Variants in MBD5 observed in about 807,000 individuals in gnomAD.
The protein encoded by MBD5 is methyl-CpG binding domain protein 5.
MBD5 carries 13 observed loss-of-function variants against 117.3 expected under a neutral mutation model. The ratio of observed to expected loss-of-function variants is 0.11; its 90% confidence interval spans 0.07 to 0.18. The LOEUF (loss-of-function observed/expected upper bound fraction) is 0.18, where lower values mean the gene tolerates loss of function less well. MBD5 is among the 10% of genes least tolerant of loss of function. The probability of loss-of-function intolerance (pLI) is 1.00; values close to 1 mark genes in which losing one functional copy is unlikely to be tolerated. For missense variants in MBD5, 1,879 were observed against 2,093.8 expected (o/e 0.90, Z 2.00); for synonymous variants, 727 against 766.4 (o/e 0.95, Z 0.85).
intron 3 of MBD5, among the ~76,000 whole-genome samples, chr2:148,317,875 T>A (rs568003724): frequency 1.3e-5 from 2 of 152,362 alleles, no homozygotes; most frequent in African/African-American, 4.8e-5. Context: ...GACACTTAAG[T>A]TGATTCCACA....
In MBD5 at chr2:148,489,533, G is replaced by C. The variant is rs748975545; in HGVS notation, c.3901G>C (p.Gly1301Arg). 1 of 1,614,152 alleles carries C rather than the reference G, an allele frequency of 6.2e-7. No homozygotes were observed. The highest frequency in any genetic ancestry group is 8.5e-7 in the Non-Finnish European group (1 of 1,180,030). The change falls in exon 11 of 14, where the codon GGT becomes CGT. Residue 1301 changes from glycine to arginine, a missense_variant. Coordinates refer to ENST00000642680, the MANE Select transcript of MBD5 (RefSeq NM_001378120.1). Reference protein sequence around the residue: ...ELQPRIDPSLGQQVKDGLVVG... With the variant: ...ELQPRIDPSLRQQVKDGLVVG... ...GCAACCGAGGATTGACCCATCTCTT[G>C]GTCAACAGGTGAAGGATGGCCTCGT...
intron 3 of MBD5, among the ~76,000 whole-genome samples, chr2:148,294,426 G>A (rs1701586393): frequency 6.7e-6 from 1 of 148,908 alleles, no homozygotes; most frequent in South Asian, 2.1e-4. Flanking sequence ...GGGTTTCACT[G>A]TGTTAGCCAG....
chr2:148,493,375 CCT>C (rs1207617354), intron 11 of MBD5, among the ~76,000 whole-genome samples: 1 of 152,158 alleles, frequency 6.6e-6, no homozygotes, highest in Non-Finnish European at 1.5e-5. Context: ...ATTTATTACC[CCT>C]GACTCCACCC....
At chr2:148,254,795 C>T (rs964905057) in intron 3 of MBD5, among the ~76,000 whole-genome samples, 1 of 152,138 alleles carries the variant, frequency 6.6e-6, no homozygotes, top group African/African-American at 2.4e-5. Flanking sequence ...GTGGTGTTAC[C>T]ACAGTGTTGC....
chr2:148,090,251 T>G (rs1366219545), intron 1 of MBD5, among the ~76,000 whole-genome samples: 1 of 152,144 alleles, frequency 6.6e-6, no homozygotes, highest in East Asian at 1.9e-4. Context: ...AGCTGAATTT[T>G]ATCAAGCATT....
chr2:148,104,576 A>C (rs1459481737), intron 1 of MBD5, among the ~76,000 whole-genome samples: 2 of 152,216 alleles, frequency 1.3e-5, no homozygotes, highest in East Asian at 3.9e-4. Context: ...AACAGTTTAA[A>C]AAATGAGTGT....
chr2:148,042,323 A>T (rs2105689585), intron 1 of MBD5, among the ~76,000 whole-genome samples: 1 of 152,260 alleles, frequency 6.6e-6, no homozygotes, highest in South Asian at 2.1e-4. Context: ...TAACATTTTA[A>T]AGTTGCATCC....
chr2:148,098,241 G>A (rs1354059576), intron 1 of MBD5, among the ~76,000 whole-genome samples: 1 of 152,144 alleles, frequency 6.6e-6, no homozygotes, highest in Non-Finnish European at 1.5e-5. Context: ...AATGGGAATA[G>A]AAACAGATAG....
At chr2:148,436,013 T>A (rs189334082) in intron 4 of MBD5, among the ~76,000 whole-genome samples, 1 of 152,318 alleles carries the variant, frequency 6.6e-6, no homozygotes, top group Admixed American at 6.5e-5. Context: ...GAAAAGTTAT[T>A]CTACATCTGA....
At chr2:148,294,508 T>TTTTTTTGTTTTTTTTTTTTTTTTTTTG (rs1173366656) in intron 3 of MBD5, among the ~76,000 whole-genome samples, 3 of 137,474 alleles carry the variant, frequency 2.2e-5, no homozygotes, top group Admixed American at 7.2e-5. Context: ...ACAGTTTTTT[T>TTTTTTTGTTTTTTTTTTTTTTTTTTTG]TTTTTTTTTT....
intron 1 of MBD5, among the ~76,000 whole-genome samples, chr2:148,067,087 GGT>G (rs1695218941): frequency 6.6e-6 from 1 of 151,380 alleles, no homozygotes; most frequent in African/African-American, 2.4e-5. Context: ...TGTCCATTCT[GGT>G]TAATGCTAAG....
In MBD5 at chr2:148,324,744, G is replaced by T. The variant is rs1377287422; in HGVS notation, c.-679-17470G>T. Among the ~76,000 whole-genome samples, 11 of 151,152 alleles carry T rather than the reference G, an allele frequency of 7.3e-5. 1 individual carries two copies. The South Asian group carries it at 8.4e-4, about 12-fold the overall frequency. On this transcript the variant is annotated intron_variant, in intron 3 of 13. Coordinates refer to ENST00000642680, the MANE Select transcript of MBD5 (RefSeq NM_001378120.1). ...TTAAGGAGATTTTGGGCTGAGACAA[G>T]GGGGTTGTCTAGATATACAATCATG...
intron 8 of MBD5, among the ~76,000 whole-genome samples, chr2:148,477,890 G>T (rs1290659645): frequency 2.0e-5 from 3 of 152,072 alleles, no homozygotes; most frequent in African/African-American, 7.2e-5. Flanking sequence ...TTTAGAAAAG[G>T]TTTCTTAGCA....
At chr2:148,411,686 T>G (rs1172358136) in intron 4 of MBD5, among the ~76,000 whole-genome samples, 1 of 152,036 alleles carries the variant, frequency 6.6e-6, no homozygotes, top group Non-Finnish European at 1.5e-5. Flanking sequence ...CTTTGCCCAC[T>G]TTTTAATGGG....
chr2:148,117,635 T>G (rs1201855987), intron 1 of MBD5, among the ~76,000 whole-genome samples: 1 of 152,160 alleles, frequency 6.6e-6, no homozygotes, highest in Non-Finnish European at 1.5e-5. Context: ...CATACCTGGA[T>G]GGAGAAAAAA....
intron 4 of MBD5, among the ~76,000 whole-genome samples, chr2:148,410,472 C>A (rs1367616192): frequency 2.6e-5 from 4 of 152,160 alleles, no homozygotes; most frequent in Non-Finnish European, 4.4e-5. Flanking sequence ...CTCTTTCACC[C>A]AGGCTGGAGT....
At chr2:148,067,630 G>C (rs1422716953) in intron 1 of MBD5, among the ~76,000 whole-genome samples, 1 of 152,158 alleles carries the variant, frequency 6.6e-6, no homozygotes, top group East Asian at 1.9e-4. Context: ...GTAGAAATAA[G>C]ATGTTGTTCA....
rs1681592448 is a variant in MBD5 at position 148,493,454 on chromosome 2, T to C, written c.4962+2860T>C. ...TCAGCAAGCCACTCCAAATTCTTTA[T>C]GGAAGCAGGCAAAATAGAAAATAAA... On this transcript the variant is annotated intron_variant, in intron 11 of 13. Coordinates refer to ENST00000642680, the MANE Select transcript of MBD5 (RefSeq NM_001378120.1). Among the ~76,000 whole-genome samples, 3 of 152,214 alleles carry C rather than the reference T, an allele frequency of 2.0e-5. No individual in the cohort carries two copies. In the South Asian group the frequency reaches 6.2e-4, roughly 32 times the overall value.
At position 148,478,955 on chromosome 2, in the gene MBD5, C is replaced by T. The variant is rs139694004; in HGVS notation, c.2519-4155C>T. ...TCTTGGCTGCAAAAACAAAACAAAACAAAAAAACAGCTTTAACAAAACATT... is the reference window on the plus strand; with the variant it reads ...TCTTGGCTGCAAAAACAAAACAAAATAAAAAAACAGCTTTAACAAAACATT... On this transcript the variant is annotated intron_variant, in intron 8 of 13. Transcript: ENST00000642680. Among the ~76,000 whole-genome samples, 22 of 152,122 alleles carry T rather than the reference C, an allele frequency of 1.4e-4. No individual in the cohort carries two copies. The East Asian group carries it at 2.1e-3, about 15-fold the overall frequency.
Sources: gnomAD v4.1 joint callset for allele counts (sites outside exome capture counted in the v4.1 genomes callset) on GRCh38, gnomAD v4.1.1 for gene constraint, MANE v1.5 for transcripts, NCBI Gene and HGNC (gene_info 2026-07-23, HGNC 2026-07-21) for gene names.